PRSS58: variants seen among roughly 807,000 people sequenced by gnomAD.
The protein encoded by PRSS58 is protease, serine 58.
A neutral mutation model predicts 25.0 loss-of-function variants in PRSS58; 31 were observed. The observed-to-expected ratio is 1.24, with a 90% CI of 0.93 to 1.67. PRSS58 has a LOEUF of 1.67. PRSS58 is among the 40% of genes most tolerant of loss of function. The pLI, the probability that PRSS58 is intolerant of heterozygous loss-of-function variation, is 0.00. For synonymous variants in PRSS58, 119 were observed against 106.1 expected (o/e 1.12, Z -0.75); for missense variants, 324 against 287.9 (o/e 1.13, Z -0.91).
intron 4 of PRSS58, among the ~76,000 whole-genome samples, chr7:142,252,847 A>C (rs978482012): frequency 2.6e-5 from 4 of 152,228 alleles, no homozygotes; most frequent in African/African-American, 9.6e-5. Flanking sequence ...TTACATGTAC[A>C]TGTGAGACAC....
Position 142,252,467 on chromosome 7 carries a change from T to C in PRSS58, c.576+5A>G. On this transcript the variant is annotated splice_donor_5th_base_variant and intron_variant, in intron 5 of 5. Transcript: ENST00000547058. Reference sequence around the variant, plus strand: ...GGGAAAATTAATGGATGAAGAGTATTTTACCTTGCAGGGCTGCCTCCTTCC... The same window carrying C: ...GGGAAAATTAATGGATGAAGAGTATCTTACCTTGCAGGGCTGCCTCCTTCC... 6.2e-7 allele frequency: 1 copy of C among 1,613,240 alleles called. No homozygotes were observed. The highest frequency in any genetic ancestry group is 1.3e-5 in the African/African-American group (1 of 74,952).
intron 4 of PRSS58, among the ~76,000 whole-genome samples, chr7:142,253,064 G>A (rs1383071018): frequency 6.6e-6 from 1 of 152,106 alleles, no homozygotes; most frequent in African/African-American, 2.4e-5. Context: ...ATGAGTGCCT[G>A]TAATGCCAGC....
chr7:142,252,381 A>G lies in PRSS58; in HGVS notation c.577-11T>C. ...GGCAGCAGAAACTTCCTGCCAGGAAAACAATAATAACAACAACAAAAAAGC... is the reference window on the plus strand; with the variant it reads ...GGCAGCAGAAACTTCCTGCCAGGAAGACAATAATAACAACAACAAAAAAGC... On this transcript the variant is annotated splice_polypyrimidine_tract_variant and intron_variant, in intron 5 of 5. Coordinates refer to ENST00000547058, the MANE Select transcript of PRSS58 (RefSeq NM_001001317.5). 6.2e-7 allele frequency: 1 copy of G among 1,611,338 alleles called. No individual in the cohort carries two copies. The highest frequency in any genetic ancestry group is 8.5e-7 in the Non-Finnish European group (1 of 1,179,232).
chr7:142,256,356 T>C (rs903563259), intron 2 of PRSS58, among the ~76,000 whole-genome samples: 1 of 152,122 alleles, frequency 6.6e-6, no homozygotes, highest in Non-Finnish European at 1.5e-5. Context: ...GTAAACTATA[T>C]ATGATGTTAA....
rs185325230 is a variant in PRSS58, at chr7:142,257,535, G to A, written c.40+133C>T. ...TCACAGGAGGAAACTTGATGGGAAC[G>A]GGGCAGTGGAGAGGGACAGAGGACC... On this transcript the variant is annotated intron_variant, in intron 2 of 5. Coordinates refer to ENST00000547058, the MANE Select transcript of PRSS58 (RefSeq NM_001001317.5). 190 of 782,074 alleles carry A rather than the reference G, an allele frequency of 2.4e-4. No individual in the cohort carries two copies. In the African/African-American group the frequency reaches 2.6e-3, roughly 11 times the overall value. 48.4% of individuals were successfully genotyped at this position (782,074 alleles called of 1,614,324 possible).
At position 142,257,670 on chromosome 7, in the gene PRSS58, G is replaced by C. The variant is rs1243510528; in HGVS notation, c.38C>G (p.Thr13Ser). Residue 13 changes from threonine to serine, a missense_variant and splice_region_variant, in exon 2 of 6, where the codon ACT becomes AGT. Transcript: ENST00000547058. ...FILLWALLNL[T>S]VALAFNPDYT... ...GAGACAAATATGCACACACTCACCAGTCAGATTCAAGAGAGCCCAGAGGAG... is the reference window on the plus strand; with the variant it reads ...GAGACAAATATGCACACACTCACCACTCAGATTCAAGAGAGCCCAGAGGAG... 1 of 1,612,502 alleles carries C rather than the reference G, an allele frequency of 6.2e-7. No individual in the cohort carries two copies. Among genetic ancestry groups the C allele is most frequent in the Admixed American group, 1.7e-5 (1 of 59,984 alleles).
intron 4 of PRSS58, among the ~76,000 whole-genome samples, chr7:142,254,488 G>A (rs17746615): frequency 0.71 from 108,372 of 152,048 alleles, 39,399 homozygotes; most frequent in East Asian, 0.99. Flanking sequence ...CCCTTTGTCA[G>A]TTTTCTGAAG....
chr7:142,257,563 C>T, intron 2 of PRSS58, 105 bp downstream of exon 2: 1 of 1,007,098 alleles, frequency 9.9e-7, no homozygotes, highest in Non-Finnish European at 1.6e-6. Flanking sequence ...AGAGGACCAT[C>T]CTACACTTGA....
Position 142,255,185 on chromosome 7 carries a change from G to A in PRSS58, c.306C>T (p.Ile102=). The A allele has an allele frequency of 6.2e-7, 1 of 1,614,106 alleles. No individual in the cohort carries two copies. The highest frequency in any genetic ancestry group is 8.5e-7 in the Non-Finnish European group (1 of 1,180,006). Residue 102 remains isoleucine, a synonymous_variant, in exon 4 of 6, where the codon ATC becomes ATT. Coordinates refer to ENST00000547058, the MANE Select transcript of PRSS58 (RefSeq NM_001001317.5). ...HFSVTSIDHD[I]MLIKLKTEAE... is the part of the protein sequence containing the mutation. Reference sequence around the variant, plus strand: ...CCTCTGTTTTCAGCTTGATTAGCATGATGTCATGATCAATAGAAGTGACTG... The same window carrying A: ...CCTCTGTTTTCAGCTTGATTAGCATAATGTCATGATCAATAGAAGTGACTG...
chr7:142,252,267 A>T lies in PRSS58; in HGVS notation c.680T>A (p.Ile227Asn). 6.2e-7 allele frequency: 1 copy of T among 1,614,032 alleles called. No individual in the cohort carries two copies. The highest frequency in any genetic ancestry group is 8.5e-7 in the Non-Finnish European group (1 of 1,179,966). ...TTCAATCCAGGGTATATAGTAAAAAATTTTGGCATAGATGCCAACATCAGC... is the reference window on the plus strand; with the variant it reads ...TTCAATCCAGGGTATATAGTAAAAATTTTTGGCATAGATGCCAACATCAGC... ...LRADVGIYAK[I>N]FYYIPWIENV... Residue 227 changes from isoleucine to asparagine, a missense_variant, in exon 6 of 6, where the codon ATT (isoleucine) becomes AAT (asparagine). Transcript: ENST00000547058.
At chr7:142,255,369 T>C (rs1378604129) in intron 3 of PRSS58, 58 bp from the exon 4 acceptor site, 19 of 1,590,730 alleles carry the variant, frequency 1.2e-5, no homozygotes, top group Middle Eastern at 1.7e-4. Flanking sequence ...TCCATCATTA[T>C]GAGCCTCTAT....
chr7:142,255,578 T>A lies in PRSS58; in HGVS notation c.136A>T (p.Ile46Phe). ...GCTGTGATCACCCAAAGCGGGTGGA[T>A]CAGGACTCCAGCGCAGGGCAAGTAG... ...SDYLPCAGVLIHPLWVITAAH... is the reference protein window; with the variant it reads ...SDYLPCAGVLFHPLWVITAAH... Residue 46 changes from isoleucine to phenylalanine, a missense_variant, in exon 3 of 6, where the codon ATC becomes TTC. Physicochemically the swap from Ile to Phe is conservative, Grantham distance 21. Coordinates refer to ENST00000547058, the MANE Select transcript of PRSS58 (RefSeq NM_001001317.5). 1 of 1,614,076 alleles carries A rather than the reference T, an allele frequency of 6.2e-7. No homozygotes were observed. Among genetic ancestry groups the A allele is most frequent in the South Asian group, 1.1e-5 (1 of 91,084 alleles).
chr7:142,255,410 C>T, intron 3 of PRSS58, 99 bp from the exon 4 acceptor site: 1 of 1,575,444 alleles, frequency 6.3e-7, no homozygotes, highest in Non-Finnish European at 8.7e-7. Context: ...TTTCTGTACC[C>T]TCGTATGTCT....
intron 1 of PRSS58, 56 bp from the exon 2 acceptor site, chr7:142,257,804 A>G: frequency 1.0e-6 from 1 of 955,546 alleles, no homozygotes; most frequent in Non-Finnish European, 1.7e-6. Context: ...GTAGAATTGG[A>G]AAAATATATC....
chr7:142,256,061 CCAA>C (rs1315448296), intron 2 of PRSS58, among the ~76,000 whole-genome samples: 1 of 151,926 alleles, frequency 6.6e-6, no homozygotes, highest in Non-Finnish European at 1.5e-5. Context: ...TCTCTTTTTC[CCAA>C]CAACAACTCA....
chr7:142,252,421 G>T (rs2116380238), intron 5 of PRSS58, 51 bp from the exon 6 acceptor site: 1 of 1,611,092 alleles, frequency 6.2e-7, no homozygotes, highest in Non-Finnish European at 8.5e-7. Flanking sequence ...TATCTTTCTG[G>T]CAAGACAGAA....
At chr7:142,256,625 A>AT (rs1187162023) in intron 2 of PRSS58, among the ~76,000 whole-genome samples, 1 of 151,950 alleles carries the variant, frequency 6.6e-6, no homozygotes, top group East Asian at 1.9e-4. Context: ...TAATTTTTAA[A>AT]TTTTTTAATT....
At position 142,257,727 on chromosome 7, in the gene PRSS58, T is replaced by A. The variant is rs760845444; in HGVS notation, c.-20A>T. 6.2e-7 allele frequency: 1 copy of A among 1,609,094 alleles called. No homozygotes were observed. Among genetic ancestry groups the A allele is most frequent in the South Asian group, 1.1e-5 (1 of 90,840 alleles). On this transcript the variant is annotated 5_prime_UTR_variant, in exon 2 of 6. Transcript: ENST00000547058. ...CTTCATGATGATGTTGAAAGCCCAG[T>A]TTAGCTCCAGTCTCTGGAAAACTGG... is the stretch of plus-strand genomic sequence containing the variant.
At chr7:142,254,189 G>A (rs139691515) in intron 4 of PRSS58, among the ~76,000 whole-genome samples, 62 of 152,158 alleles carry the variant, frequency 4.1e-4, no homozygotes, top group African/African-American at 1.4e-3. Flanking sequence ...CTTCACAAGG[G>A]ATTATATATC....
Sources: allele counts gnomAD v4.1 joint callset (sites outside exome capture counted in the v4.1 genomes callset), GRCh38; gene constraint gnomAD v4.1.1; transcripts MANE v1.5; gene names NCBI Gene and HGNC (gene_info 2026-07-23, HGNC 2026-07-21).